Variants in MORN2 observed in about 807,000 individuals in gnomAD.
MORN2 encodes MORN repeat-containing protein 2.
A neutral mutation model predicts 13.4 loss-of-function variants in MORN2; 15 were observed. The observed-to-expected ratio is 1.12, with a 90% CI of 0.75 to 1.72. The LOEUF is 1.72. Among genes scored for constraint, MORN2 ranks in the 40% most tolerant of loss-of-function variants. The probability of loss-of-function intolerance (pLI) is 0.00; values close to 1 mark genes in which losing one functional copy is unlikely to be tolerated. For missense variants in MORN2, 168 were observed against 134.6 expected (o/e 1.25, Z -1.23); for synonymous variants, 46 against 43.6 (o/e 1.06, Z -0.22).
chr2:38,876,639 G>C (rs1298490800), intron 1 of MORN2, among the ~76,000 whole-genome samples: 1 of 152,170 alleles, frequency 6.6e-6, no homozygotes, highest in African/African-American at 2.4e-5. Context: ...CGATACAAAA[G>C]CATGGTTTTA....
intron 1 of MORN2, among the ~76,000 whole-genome samples, chr2:38,878,199 C>A (rs1489615710): frequency 6.6e-6 from 1 of 152,098 alleles, no homozygotes; most frequent in African/African-American, 2.4e-5. Flanking sequence ...AGACATAGTG[C>A]CATTTTTTTT....
In MORN2 at chr2:38,880,433, C is replaced by T. The variant is rs1665748329; in HGVS notation, c.110-167C>T. The T allele has an allele frequency of 2.7e-5, 11 of 411,002 alleles. No individual in the cohort carries two copies. In the East Asian group the frequency reaches 3.9e-4, roughly 15 times the overall value. The allele number at this position is 411,002 out of a possible 1,614,324, so 25.5% of individuals were successfully genotyped here. ...TATGGGATCTGTCAATCTTCCTGGC[C>T]CTTGAGTCTCAATTGTTACAAGATG... On this transcript the variant is annotated intron_variant, in intron 2 of 4. Transcript: ENST00000644631.
At chr2:38,880,092 G>T in intron 1 of MORN2, 87 bp from the exon 2 acceptor site, 1 of 389,538 alleles carries the variant, frequency 2.6e-6, no homozygotes, top group South Asian at 1.3e-4. Context: ...CCAGGAGTTT[G>T]AGACTGGCCT....
chr2:38,880,073 C>T (rs984248442), intron 1 of MORN2, 106 bp from the exon 2 acceptor site: 1 of 382,394 alleles, frequency 2.6e-6, no homozygotes, highest in Non-Finnish European at 4.6e-6. Context: ...GCGGGAGGAT[C>T]GCTTGAGCCC....
chr2:38,878,178 C>T (rs1356673631), intron 1 of MORN2, among the ~76,000 whole-genome samples: 1 of 152,104 alleles, frequency 6.6e-6, no homozygotes, highest in East Asian at 1.9e-4. Flanking sequence ...AATTTTGTCT[C>T]GGAATTTTAA....
chr2:38,879,455 T>C lies in MORN2; in HGVS notation c.59-724T>C, dbSNP rs1480476302. On this transcript the variant is annotated intron_variant, in intron 1 of 4. Transcript: ENST00000644631. Reference sequence around the variant, plus strand: ...AACATATTTATACAATATACTTGGCTATAAAAAGGAATGAAGTACTGATAC... The same window carrying C: ...AACATATTTATACAATATACTTGGCCATAAAAAGGAATGAAGTACTGATAC... Among the ~76,000 whole-genome samples the C allele has an allele frequency of 2.0e-5, 3 of 152,264 alleles. No individual in the cohort carries two copies. The East Asian group carries it at 5.8e-4, about 29-fold the overall frequency.
rs1250441588 is a variant in MORN2 at position 38,876,034 on chromosome 2, T to G, written c.-19T>G. ...CACCTGGAGCTGTCCTAGCGCCTAG[T>G]TCTCTCCCGGCCGCAGAGCTGGCCG... On this transcript the variant is annotated 5_prime_UTR_variant, in exon 1 of 5. Transcript: ENST00000644631. 7.5e-6 allele frequency: 3 copies of G among 398,676 alleles called. No homozygotes were observed. The East Asian group carries it at 1.1e-4, about 14-fold the overall frequency. 24.7% of individuals were successfully genotyped at this position (398,676 alleles called of 1,614,324 possible).
At chr2:38,878,551 A>G (rs184078809) in intron 1 of MORN2, among the ~76,000 whole-genome samples, 1 of 151,724 alleles carries the variant, frequency 6.6e-6, no homozygotes, top group East Asian at 1.9e-4. Flanking sequence ...TTTTCCAGCC[A>G]TCTCACTCAC....
At chr2:38,881,244 T>C (rs953830677) in intron 3 of MORN2, among the ~76,000 whole-genome samples, 198 bp from the exon 4 acceptor site, 17 of 152,200 alleles carry the variant, frequency 1.1e-4, no homozygotes, top group African/African-American at 3.9e-4. Context: ...TCCAGAACAT[T>C]TAATTTACTG....
chr2:38,876,781 T>A (rs1023416490), intron 1 of MORN2, among the ~76,000 whole-genome samples: 1 of 152,162 alleles, frequency 6.6e-6, no homozygotes, highest in African/African-American at 2.4e-5. Context: ...GCTACAAGAA[T>A]ACAATAGCTA....
chr2:38,880,315 CTA>C (rs1665746474), intron 2 of MORN2, 86 bp downstream of exon 2: 2 of 398,840 alleles, frequency 5.0e-6, no homozygotes, highest in Non-Finnish European at 8.8e-6. Context: ...TTTTATAAAA[CTA>C]CTATTAGGAT....
chr2:38,880,133 A>G (rs1665741965), intron 1 of MORN2, 46 bp from the exon 2 acceptor site: 3 of 395,648 alleles, frequency 7.6e-6, no homozygotes, highest in South Asian at 2.6e-4. Flanking sequence ...GCCTCTATCG[A>G]AAAAAAAGTA....
chr2:38,881,452 T>C lies in MORN2; in HGVS notation c.227T>C (p.Phe76Ser), dbSNP rs1054984955. The change falls in exon 4 of 5, where the codon TTT (phenylalanine) becomes TCT (serine). Residue 76 changes from phenylalanine (F) to serine (S), a missense_variant. By Grantham distance (155) the Phe-to-Ser change is radical. Coordinates refer to ENST00000644631, the MANE Select transcript of MORN2 (RefSeq NM_001145450.3). ...CTTTGTTACAAACAGATGAATGGTTTTGGAAGACTTGAGCATTTTTCAGGA... is the reference window on the plus strand; with the variant it reads ...CTTTGTTACAAACAGATGAATGGTTCTGGAAGACTTGAGCATTTTTCAGGA... The C allele has an allele frequency of 2.0e-6, 3 of 1,536,566 alleles. No homozygotes were observed. In the African/African-American group the frequency reaches 4.2e-5, roughly 21 times the overall value.
In MORN2 at chr2:38,882,611, C is replaced by A. The variant is rs1345931006; in HGVS notation, c.*96C>A. The A allele has an allele frequency of 2.5e-6, 2 of 801,820 alleles. No homozygotes were observed. Among genetic ancestry groups the A allele is most frequent in the Non-Finnish European group, 3.9e-6 (2 of 510,054 alleles). The allele number at this position is 801,820 out of a possible 1,614,324, so 49.7% of individuals were successfully genotyped here. A position where few individuals can be genotyped will look rare whatever the true frequency, so the allele number is the denominator to read the frequency against. On this transcript the variant is annotated 3_prime_UTR_variant, in exon 5 of 5. Coordinates refer to ENST00000644631, the MANE Select transcript of MORN2 (RefSeq NM_001145450.3). Reference sequence around the variant, plus strand: ...TTATTTGAAATGACTTCATACACTACCCCTATAAGTTTGCCAATAAAACCA... The same window carrying A: ...TTATTTGAAATGACTTCATACACTAACCCTATAAGTTTGCCAATAAAACCA...
rs1328297379 is a variant in MORN2 at position 38,876,014 on chromosome 2, G to C, written c.-39G>C. 2.5e-6 allele frequency: 1 copy of C among 398,744 alleles called. No individual in the cohort carries two copies. The highest frequency in any genetic ancestry group is 4.4e-6 in the Non-Finnish European group (1 of 226,288). The allele number at this position is 398,744 out of a possible 1,614,324, so 24.7% of individuals were successfully genotyped here. A position where few individuals can be genotyped will look rare whatever the true frequency, so the allele number is the denominator to read the frequency against. ...TCGCCCCAGCAACCAAGTCGCACCTGGAGCTGTCCTAGCGCCTAGTTCTCT... is the reference window on the plus strand; with the variant it reads ...TCGCCCCAGCAACCAAGTCGCACCTCGAGCTGTCCTAGCGCCTAGTTCTCT... On this transcript the variant is annotated 5_prime_UTR_variant, in exon 1 of 5. Transcript: ENST00000644631.
At position 38,876,046 on chromosome 2, in the gene MORN2, C is replaced by G. The variant is rs191643228; in HGVS notation, c.-7C>G. On this transcript the variant is annotated 5_prime_UTR_variant, in exon 1 of 5. Coordinates refer to ENST00000644631, the MANE Select transcript of MORN2 (RefSeq NM_001145450.3). ...TCCTAGCGCCTAGTTCTCTCCCGGC[C>G]GCAGAGCTGGCCGCCCAGGGGGAGT... 358 of 398,708 alleles carry G rather than the reference C, an allele frequency of 9.0e-4. 4 individuals carry two copies. Among genetic ancestry groups the G allele is most frequent in the Admixed American group, 1.3e-3 (30 of 22,732 alleles). 24.7% of individuals were successfully genotyped at this position (398,708 alleles called of 1,614,324 possible).
chr2:38,882,001 T>C (rs1224031870), intron 4 of MORN2, among the ~76,000 whole-genome samples: 2 of 152,242 alleles, frequency 1.3e-5, no homozygotes, highest in East Asian at 3.8e-4. Context: ...TGATATAGTT[T>C]CTAAAAATTG....
chr2:38,881,540 A>G lies in MORN2; in HGVS notation c.315A>G (p.Pro105=). The change falls in exon 4 of 5, where the codon CCA becomes CCG. Residue 105 remains proline (P), a synonymous_variant. Coordinates refer to ENST00000644631, the MANE Select transcript of MORN2 (RefSeq NM_001145450.3). ...ATGGACTGGGGACTTACACATTCCC[A>G]AATGGGGCAAAGTATACTGGAAATT... The G allele has an allele frequency of 6.5e-7, 1 of 1,539,616 alleles. No homozygotes were observed. The highest frequency in any genetic ancestry group is 8.8e-7 in the Non-Finnish European group (1 of 1,142,852).
chr2:38,878,624 A>C (rs536031417), intron 1 of MORN2, among the ~76,000 whole-genome samples: 4 of 152,096 alleles, frequency 2.6e-5, no homozygotes, highest in Admixed American at 2.0e-4. Context: ...ATTTGTTTTC[A>C]ATTGTATCTA....
Sources: gnomAD v4.1 joint callset for allele counts (sites outside exome capture counted in the v4.1 genomes callset) on GRCh38, gnomAD v4.1.1 for gene constraint, MANE v1.5 for transcripts, NCBI Gene and HGNC (gene_info 2026-07-23, HGNC 2026-07-21) for gene names.